The following NDRG3 variants were observed in gnomAD, a reference collection of about 807,000 sequenced individuals.
NDRG3 encodes NDRG family member 3, also known as protein NDRG3.
In NDRG3, 23 loss-of-function variants were observed where a neutral mutation model predicts 57.2. The observed-to-expected ratio is 0.40, with a 90% CI of 0.29 to 0.57. The LOEUF is 0.57. Ranked by LOEUF, NDRG3 falls within the 20% of genes least tolerant of loss-of-function variation. The probability of loss-of-function intolerance (pLI) is 0.42; values close to 1 mark genes in which losing one functional copy is unlikely to be tolerated. For synonymous variants in NDRG3, 132 were observed against 162.6 expected (o/e 0.81, Z 1.43); for missense variants, 384 against 457.3 (o/e 0.84, Z 1.46).
At chr20:36,733,166 AAAAAAATATATATATATATATAT>A (rs1361024514) in intron 1 of NDRG3, among the ~76,000 whole-genome samples, 19 of 77,680 alleles carry the variant, frequency 2.4e-4, no homozygotes, top group Non-Finnish European at 4.1e-4. Flanking sequence ...AAAAAAAAAA[AAAAAAATATATATATATATATAT>A]ATATATATAT....
intron 2 of NDRG3, among the ~76,000 whole-genome samples, chr20:36,715,625 G>A (rs776801434): frequency 2.0e-5 from 3 of 147,742 alleles, no homozygotes; most frequent in Admixed American, 1.4e-4. Context: ...TGAGATCAGC[G>A]TGGGCAACAA....
rs1984802291 is a variant in NDRG3, at chr20:36,724,526, TTGGCCTAAC to T, written c.-48-2752_-48-2744del. ...CAGTCCCCACTTAACTCTTAAAATA[TTGGCCTAAC>T]TGGAATCTACTCCATGTTTGTTTAT... On this transcript the variant is annotated intron_variant, in intron 1 of 15. Transcript: ENST00000349004. Among the ~76,000 whole-genome samples the T allele has an allele frequency of 2.0e-5, 3 of 152,246 alleles. No homozygotes were observed. In the South Asian group the frequency reaches 6.2e-4, roughly 31 times the overall value.
intron 1 of NDRG3, among the ~76,000 whole-genome samples, chr20:36,732,954 C>A (rs922408784): frequency 2.7e-5 from 4 of 150,866 alleles, no homozygotes; most frequent in African/African-American, 9.8e-5. Flanking sequence ...TGAGACCAGC[C>A]CGGGCAACAT....
chr20:36,733,890 T>C (rs781399375), intron 1 of NDRG3, among the ~76,000 whole-genome samples: 5 of 152,106 alleles, frequency 3.3e-5, no homozygotes, highest in African/African-American at 9.7e-5. Flanking sequence ...CAGATTCACA[T>C]CCTCTCTCTT....
chr20:36,726,980 G>A (rs917426178), intron 1 of NDRG3, among the ~76,000 whole-genome samples: 3 of 150,678 alleles, frequency 2.0e-5, no homozygotes, highest in Non-Finnish European at 4.4e-5. Flanking sequence ...ACAGTGGGGC[G>A]ATCTTGGCTC....
At chr20:36,724,040 C>T (rs763915061) in intron 1 of NDRG3, among the ~76,000 whole-genome samples, 1 of 152,036 alleles carries the variant, frequency 6.6e-6, no homozygotes, top group Admixed American at 6.6e-5. Context: ...TTCTGTTTAC[C>T]TTCTAGAGAT....
At chr20:36,721,527 CAAA>C in intron 2 of NDRG3, 149 bp downstream of exon 2, 1 of 449,068 alleles carries the variant, frequency 2.2e-6, no homozygotes, top group East Asian at 4.0e-5. Context: ...GACACCGTCT[CAAA>C]AAAAAAAAGA....
Position 36,665,088 on chromosome 20 carries a change from A to G in NDRG3, c.768T>C (p.Thr256=). Reference sequence around the variant, plus strand: ...GCGAATTGTCCCCTACCACCAGTAAAGTAGAACACCTAGGTAGGCAAAGTA... The same window carrying G: ...GCGAATTGTCCCCTACCACCAGTAAGGTAGAACACCTAGGTAGGCAAAGTA... The part of the protein sequence containing the change: ...DNKSKTLKCS[T]LLVVGDNSPA... Residue 256 remains threonine, a synonymous_variant, in exon 12 of 16, where the codon ACT becomes ACC. Transcript: ENST00000349004. 6.2e-7 allele frequency: 1 copy of G among 1,614,148 alleles called. No individual in the cohort carries two copies.
intron 12 of NDRG3, among the ~76,000 whole-genome samples, chr20:36,661,682 G>A (rs992739129): frequency 6.6e-6 from 1 of 152,218 alleles, no homozygotes; most frequent in African/African-American, 2.4e-5. Context: ...GTGAGGCTGG[G>A]GCACAGGCTG....
At chr20:36,675,057 GCAT>G (rs1334085180) in intron 8 of NDRG3, among the ~76,000 whole-genome samples, 11 of 137,208 alleles carry the variant, frequency 8.0e-5, no homozygotes, top group African/African-American at 3.0e-4. Context: ...ACCACAACTG[GCAT>G]TTTTTTTTTT....
intron 1 of NDRG3, among the ~76,000 whole-genome samples, chr20:36,733,160 A>AT (rs1985388623): frequency 3.5e-4 from 19 of 54,682 alleles, no homozygotes; most frequent in African/African-American, 9.6e-4. Flanking sequence ...AAAAAAAAAA[A>AT]AAAAAAAAAA....
chr20:36,654,076 GACAC>G, intron 15 of NDRG3, among the ~76,000 whole-genome samples: 1 of 152,116 alleles, frequency 6.6e-6, no homozygotes, highest in East Asian at 1.9e-4. Flanking sequence ...AGAAAAGAAA[GACAC>G]ACACACAAGT....
chr20:36,709,887 C>T (rs1983764586), intron 2 of NDRG3, among the ~76,000 whole-genome samples: 1 of 151,598 alleles, frequency 6.6e-6, no homozygotes, highest in Non-Finnish European at 1.5e-5. Context: ...TGAGGAAATT[C>T]TGTTAAAATT....
At chr20:36,727,130 G>T (rs936084670) in intron 1 of NDRG3, among the ~76,000 whole-genome samples, 5 of 152,010 alleles carry the variant, frequency 3.3e-5, no homozygotes, top group African/African-American at 7.2e-5. Context: ...TAGCAAGGCT[G>T]GTCTCAAACT....
Position 36,653,548 on chromosome 20 carries a change from C to G in NDRG3, c.1100G>C (p.Arg367Thr). The G allele has an allele frequency of 6.2e-7, 1 of 1,614,146 alleles. No homozygotes were observed. Among genetic ancestry groups the G allele is most frequent in the Non-Finnish European group, 8.5e-7 (1 of 1,180,002 alleles). The change falls in exon 16 of 16, where the codon AGA becomes ACA. Residue 367 changes from arginine (R) to threonine (T), a missense_variant. Transcript: ENST00000349004. This position sits in a 1 kb window ranked among gnomAD's most constrained non-coding sequence, Gnocchi z 4.2. Reference sequence around the variant, plus strand: ...GCAGGACACCTCCATGGTCTGGTGTCTGTCCAGGACATCAGGGGACTCACA... The same window carrying G: ...GCAGGACACCTCCATGGTCTGGTGTGTGTCCAGGACATCAGGGGACTCACA... ...ESCESPDVLD[R>T]HQTMEVSC is the part of the protein sequence containing the mutation.
At chr20:36,710,745 G>A (rs1293915820) in intron 2 of NDRG3, among the ~76,000 whole-genome samples, 1 of 151,518 alleles carries the variant, frequency 6.6e-6, no homozygotes, top group African/African-American at 2.4e-5. Flanking sequence ...CCCGGGTGGC[G>A]GAGGTTGCAG....
At chr20:36,736,453 C>T (rs1055727306) in intron 1 of NDRG3, among the ~76,000 whole-genome samples, 1 of 152,146 alleles carries the variant, frequency 6.6e-6, no homozygotes, top group South Asian at 2.1e-4. Context: ...AACTAGCATG[C>T]GGATTCCTAG....
intron 9 of NDRG3, among the ~76,000 whole-genome samples, chr20:36,669,376 C>T (rs567259433): frequency 0.1 from 8 of 80 alleles, no homozygotes; most frequent in African/African-American, 0.21. Flanking sequence ...ACTACAGGCG[C>T]GTGCACCACA....
chr20:36,664,950 A>T, intron 12 of NDRG3, 96 bp downstream of exon 12: 1 of 1,254,280 alleles, frequency 8.0e-7, no homozygotes, highest in Non-Finnish European at 1.2e-6. Context: ...CAGCCTCTCA[A>T]AGTGTTGGGA....
Sources: allele counts gnomAD v4.1 joint callset (sites outside exome capture counted in the v4.1 genomes callset), GRCh38; gene constraint gnomAD v4.1.1; non-coding constraint Gnocchi (gnomAD v3.1); transcripts MANE v1.5; gene names NCBI Gene and HGNC (gene_info 2026-07-23, HGNC 2026-07-21).